Variants in SLC24A3 observed in about 807,000 individuals in gnomAD.
The protein encoded by SLC24A3 is sodium/potassium/calcium exchanger 3.
Under a neutral mutation model 75.8 loss-of-function variants are expected in SLC24A3, and 28 were observed. The ratio of observed to expected loss-of-function variants is 0.37; its 90% confidence interval spans 0.27 to 0.51. The LOEUF (loss-of-function observed/expected upper bound fraction) is 0.51, where lower values mean the gene tolerates loss of function less well. SLC24A3 is among the 20% of genes least tolerant of loss of function. The probability of loss-of-function intolerance (pLI) is 0.94; values close to 1 mark genes in which losing one functional copy is unlikely to be tolerated. For synonymous variants in SLC24A3, 372 were observed against 334.1 expected (o/e 1.11, Z -1.24); for missense variants, 663 against 847.8 (o/e 0.78, Z 2.71).
intron 2 of SLC24A3, among the ~76,000 whole-genome samples, chr20:19,395,479 T>C (rs374912331): frequency 1.3e-5 from 2 of 152,368 alleles, no homozygotes; most frequent in South Asian, 2.1e-4. Context: ...TGCAAATGTG[T>C]GTGTGCATAC....
intron 2 of SLC24A3, among the ~76,000 whole-genome samples, chr20:19,484,226 G>A (rs536683802): frequency 6.6e-6 from 1 of 152,274 alleles, no homozygotes; most frequent in African/African-American, 2.4e-5. Context: ...GTATCTTGGA[G>A]ATGGGGCCCA....
At chr20:19,558,460 C>A (rs915815428) in intron 3 of SLC24A3, among the ~76,000 whole-genome samples, 2 of 152,130 alleles carry the variant, frequency 1.3e-5, no homozygotes, top group African/African-American at 4.8e-5. Context: ...CGTCTACAGA[C>A]ATTTTTAAAC....
At chr20:19,483,499 G>T (rs958911520) in intron 2 of SLC24A3, among the ~76,000 whole-genome samples, 2 of 152,312 alleles carry the variant, frequency 1.3e-5, no homozygotes, top group South Asian at 2.1e-4. Context: ...TAAATTTAGG[G>T]TTTAGAATAT....
chr20:19,307,922 A>G (rs1273318365), intron 2 of SLC24A3, among the ~76,000 whole-genome samples: 1 of 152,192 alleles, frequency 6.6e-6, no homozygotes. Context: ...CGGTTTGCTT[A>G]AGCTAACTCA....
chr20:19,228,765 G>A (rs1007596031), intron 1 of SLC24A3, among the ~76,000 whole-genome samples: 18 of 152,072 alleles, frequency 1.2e-4, no homozygotes, highest in African/African-American at 4.1e-4. Flanking sequence ...ACTTCTGAAA[G>A]TGAATCTTAC....
At chr20:19,635,995 CCAGGCG>C (rs2031996906) in intron 6 of SLC24A3, among the ~76,000 whole-genome samples, 1 of 152,150 alleles carries the variant, frequency 6.6e-6, no homozygotes, top group Admixed American at 6.5e-5. Flanking sequence ...AAAAAATTAG[CCAGGCG>C]TGGTGGCGGG....
chr20:19,669,916 C>T (rs1227733221), intron 8 of SLC24A3, among the ~76,000 whole-genome samples: 2 of 151,862 alleles, frequency 1.3e-5, no homozygotes, highest in African/African-American at 4.8e-5. Flanking sequence ...AAGAAACAAA[C>T]CCAGATCAGC....
intron 1 of SLC24A3, among the ~76,000 whole-genome samples, chr20:19,236,410 C>A (rs1294772969): frequency 1.3e-5 from 2 of 152,074 alleles, no homozygotes; most frequent in Non-Finnish European, 2.9e-5. Flanking sequence ...TAGACCGGCC[C>A]ATATATCATA....
chr20:19,572,354 GA>G lies in SLC24A3; in HGVS notation c.349-7639del, dbSNP rs551125950. ...GAGCATGACCCCATCTCTAAAAGAA[GA>G]AAAAAAGAAAAAAACAGGTCCATAA... On this transcript the variant is annotated intron_variant, in intron 3 of 16. Transcript: ENST00000328041. 6.1e-3 allele frequency among the ~76,000 whole-genome samples: 928 copies of G among 151,666 alleles called. 6 individuals carry two copies. The highest frequency in any genetic ancestry group is 0.031 in the Middle Eastern group (9 of 294).
chr20:19,346,334 ATATATATATGGTATATATATGGTG>A (rs1380366108), intron 2 of SLC24A3, among the ~76,000 whole-genome samples: 1 of 67,822 alleles, frequency 1.5e-5, no homozygotes, highest in African/African-American at 7.9e-5. Flanking sequence ...TATATGGTGT[ATATATATATGGTATATATATGGTG>A]TATATATATG....
intron 2 of SLC24A3, among the ~76,000 whole-genome samples, chr20:19,305,685 A>T (rs1305281717): frequency 6.6e-6 from 1 of 152,204 alleles, no homozygotes; most frequent in Admixed American, 6.5e-5. Flanking sequence ...CGGTGCTGGG[A>T]TAAGTGGCCA....
chr20:19,249,560 T>G (rs1237979607), intron 1 of SLC24A3, among the ~76,000 whole-genome samples: 1 of 152,234 alleles, frequency 6.6e-6, no homozygotes, highest in Non-Finnish European at 1.5e-5. Context: ...TGAACATATT[T>G]CATTTCTTTG....
intron 2 of SLC24A3, among the ~76,000 whole-genome samples, chr20:19,357,094 T>G (rs930165990): frequency 3.9e-5 from 6 of 152,236 alleles, no homozygotes; most frequent in African/African-American, 1.2e-4. Context: ...GGGCCCTAAA[T>G]GTGATCACAA....
intron 6 of SLC24A3, among the ~76,000 whole-genome samples, chr20:19,596,937 G>C (rs1007548998): frequency 1.2e-4 from 19 of 152,206 alleles, no homozygotes; most frequent in African/African-American, 4.3e-4. Flanking sequence ...GGTCCAGCTA[G>C]AGTTTGGATA....
At chr20:19,416,987 A>G (rs1986838071) in intron 2 of SLC24A3, among the ~76,000 whole-genome samples, 1 of 152,224 alleles carries the variant, frequency 6.6e-6, no homozygotes, top group Non-Finnish European at 1.5e-5. Flanking sequence ...TTCTTGAAGC[A>G]GGTGGCACTT....
intron 12 of SLC24A3, among the ~76,000 whole-genome samples, chr20:19,690,030 CA>C (rs538406361): frequency 3.3e-4 from 29 of 87,812 alleles, no homozygotes; most frequent in East Asian, 8.1e-4. Flanking sequence ...GACTCTGTCT[CA>C]AAAAAAAAAA....
chr20:19,279,369 G>A (rs1164578722), intron 1 of SLC24A3, among the ~76,000 whole-genome samples: 1 of 152,196 alleles, frequency 6.6e-6, no homozygotes, highest in African/African-American at 2.4e-5. Flanking sequence ...CCAAGCCCCT[G>A]GGAAGAGCCA....
chr20:19,213,012 G>C, intron 1 of SLC24A3, 28 bp downstream of exon 1: 1 of 1,237,362 alleles, frequency 8.1e-7, no homozygotes, highest in Admixed American at 3.7e-5. Flanking sequence ...GCCCCGAGTG[G>C]GCGCTGCGGC....
At chr20:19,531,771 C>T (rs780764536) in intron 3 of SLC24A3, among the ~76,000 whole-genome samples, 4 of 152,160 alleles carry the variant, frequency 2.6e-5, no homozygotes, top group African/African-American at 9.7e-5. Context: ...AAGGTATGAA[C>T]TGGGAAACGT....
Sources: allele counts gnomAD v4.1 joint callset (sites outside exome capture counted in the v4.1 genomes callset), GRCh38; gene constraint gnomAD v4.1.1; transcripts MANE v1.5; gene names NCBI Gene and HGNC (gene_info 2026-07-23, HGNC 2026-07-21).